The following POTEJ variants were observed in gnomAD, a reference collection of about 807,000 sequenced individuals.
The protein encoded by POTEJ is POTE ankyrin domain family, member J.
In POTEJ, 11 loss-of-function variants were observed where a neutral mutation model predicts 69.0. The observed-to-expected ratio is 0.16, with a 90% CI of 0.10 to 0.26. The LOEUF (loss-of-function observed/expected upper bound fraction) is 0.26. Ranked by LOEUF, POTEJ falls within the 10% of genes least tolerant of loss-of-function variation. The probability of loss-of-function intolerance (pLI) is 1.00; values close to 1 mark genes in which losing one functional copy is unlikely to be tolerated. For missense variants in POTEJ, 327 were observed against 1,045.5 expected (o/e 0.31, Z 9.48); for synonymous variants, 117 against 381.1 (o/e 0.31, Z 8.07).
intron 1 of POTEJ, among the ~76,000 whole-genome samples, chr2:130,613,289 CATATATATACATAT>C (rs1685291971): frequency 2.3e-5 from 2 of 87,662 alleles, no homozygotes; most frequent in East Asian, 2.6e-4. Context: ...TGTATATATA[CATATATATACATAT>C]GTATATATAC....
intron 9 of POTEJ, among the ~76,000 whole-genome samples, chr2:130,638,057 G>A (rs1330161752): frequency 6.1e-5 from 9 of 147,708 alleles, no homozygotes; most frequent in South Asian, 2.1e-4. Context: ...ACTTAATAAC[G>A]TTTCCTGAAA....
chr2:130,628,758 A>G (rs1396616045), intron 6 of POTEJ, among the ~76,000 whole-genome samples: 2 of 149,496 alleles, frequency 1.3e-5, no homozygotes, highest in Non-Finnish European at 3.0e-5. Context: ...GTGGTGGCTC[A>G]CACCTCTAAT....
At chr2:130,630,877 A>G (rs1377136615) in intron 7 of POTEJ, among the ~76,000 whole-genome samples, 5 of 143,646 alleles carry the variant, frequency 3.5e-5, no homozygotes, top group Non-Finnish European at 7.6e-5. Context: ...AAATTGGAGA[A>G]TTTGCATCTC....
At chr2:130,631,807 A>G (rs2105223558) in intron 8 of POTEJ, among the ~76,000 whole-genome samples, 1 of 142,872 alleles carries the variant, frequency 7.0e-6, no homozygotes, top group East Asian at 1.9e-4. Context: ...TCTTCCAGCT[A>G]GATAATTGTA....
chr2:130,625,254 A>G (rs1192388526), intron 6 of POTEJ, among the ~76,000 whole-genome samples: 32 of 152,228 alleles, frequency 2.1e-4, no homozygotes, highest in Admixed American at 3.9e-4. Context: ...GAATTTACAA[A>G]GAAAACATTG....
chr2:130,626,737 A>T (rs1401528348), intron 6 of POTEJ, among the ~76,000 whole-genome samples: 10 of 152,158 alleles, frequency 6.6e-5, no homozygotes, highest in African/African-American at 2.4e-4. Context: ...ACATCCTTGG[A>T]GTAGCATCAA....
At chr2:130,645,447 AAAGTT>A (rs1686543197) in intron 11 of POTEJ, among the ~76,000 whole-genome samples, 1 of 109,204 alleles carries the variant, frequency 9.2e-6, no homozygotes, top group Non-Finnish European at 2.0e-5. Context: ...AAATAGTGAG[AAAGTT>A]AAGTTTGCTG....
chr2:130,657,077 C>T lies in POTEJ; in HGVS notation c.2317C>T (p.Leu773=). ...EHPILLTEAP[L]NPKANREKMT... Reference sequence around the variant, plus strand: ...CCCCATCCTGCTGACCGAGGCCCCCCTGAACCCCAAGGCCAACCGCGAGAA... The same window carrying T: ...CCCCATCCTGCTGACCGAGGCCCCCTTGAACCCCAAGGCCAACCGCGAGAA... Residue 773 remains leucine (L), a synonymous_variant, in exon 15 of 15, where the codon CTG becomes TTG. Transcript: ENST00000409602. 1 of 1,580,836 alleles carries T rather than the reference C, an allele frequency of 6.3e-7. No homozygotes were observed. Among genetic ancestry groups the T allele is most frequent in the Non-Finnish European group, 8.6e-7 (1 of 1,156,850 alleles).
At chr2:130,655,468 C>A (rs1686952599) in intron 14 of POTEJ, among the ~76,000 whole-genome samples, 1 of 152,246 alleles carries the variant, frequency 6.6e-6, no homozygotes, top group African/African-American at 2.4e-5. Context: ...ATACCATTAT[C>A]CTTACTTTTG....
chr2:130,612,602 T>G (rs1464178012), intron 1 of POTEJ, among the ~76,000 whole-genome samples: 5 of 151,488 alleles, frequency 3.3e-5, no homozygotes, highest in African/African-American at 1.2e-4. Context: ...CTACTAAAAA[T>G]TATAAAAAAA....
intron 10 of POTEJ, among the ~76,000 whole-genome samples, chr2:130,639,121 A>G (rs866843700): frequency 0.046 from 6,284 of 137,732 alleles, no homozygotes; most frequent in Non-Finnish European, 0.074. Flanking sequence ...TATGAGCCAT[A>G]AGGAGTGGCT....
chr2:130,624,051 T>C lies in POTEJ; in HGVS notation c.945-13T>C, dbSNP rs1383891107. Reference sequence around the variant, plus strand: ...TAAAATAGTAATTTGGTTTATTACATTTTTATACATAGAATTTGCCAGTTA... The same window carrying C: ...TAAAATAGTAATTTGGTTTATTACACTTTTATACATAGAATTTGCCAGTTA... On this transcript the variant is annotated splice_polypyrimidine_tract_variant and intron_variant, in intron 5 of 14. Coordinates refer to ENST00000409602, the MANE Select transcript of POTEJ (RefSeq NM_001277083.2). The C allele has an allele frequency of 1.4e-6, 2 of 1,434,060 alleles. 1 individual carries two copies. Among genetic ancestry groups the C allele is most frequent in the Admixed American group, 4.2e-5 (2 of 47,084 alleles). The allele number at this position is 1,434,060 out of a possible 1,614,324, so 88.8% of individuals were successfully genotyped here.
At chr2:130,637,657 G>A (rs570358952) in intron 9 of POTEJ, among the ~76,000 whole-genome samples, 14 of 152,286 alleles carry the variant, frequency 9.2e-5, no homozygotes, top group South Asian at 2.1e-4. Context: ...AACGTGTGGG[G>A]TGTTGTGTAC....
chr2:130,629,531 A>G (rs145666364), intron 6 of POTEJ, among the ~76,000 whole-genome samples: 2,690 of 144,626 alleles, frequency 0.019, 50 homozygotes, highest in Non-Finnish European at 0.03. Flanking sequence ...CAGGGTCACC[A>G]TGACCTTTCC....
intron 10 of POTEJ, among the ~76,000 whole-genome samples, chr2:130,639,785 GT>G (rs1686273999): frequency 6.6e-6 from 1 of 151,128 alleles, no homozygotes; most frequent in African/African-American, 2.4e-5. Flanking sequence ...CATTTCTGTG[GT>G]TTTTCAACAG....
At chr2:130,644,344 C>A (rs1320132075) in intron 11 of POTEJ, among the ~76,000 whole-genome samples, 2 of 149,140 alleles carry the variant, frequency 1.3e-5, no homozygotes, top group East Asian at 1.9e-4. Flanking sequence ...GTGGCGGGTG[C>A]CTGTAGTCCC....
intron 13 of POTEJ, among the ~76,000 whole-genome samples, chr2:130,649,667 G>C (rs1339281347): frequency 2.0e-4 from 31 of 151,480 alleles, no homozygotes; most frequent in African/African-American, 6.8e-4. Context: ...ATAACTGAAA[G>C]GCAGTAAACC....
chr2:130,633,156 C>T (rs1471148163), intron 9 of POTEJ, among the ~76,000 whole-genome samples: 1 of 142,332 alleles, frequency 7.0e-6, no homozygotes, highest in East Asian at 1.9e-4. Context: ...ATTTTCTGTT[C>T]CTGCATTAGT....
chr2:130,639,064 A>G (rs1475995195), intron 10 of POTEJ, among the ~76,000 whole-genome samples: 1 of 152,302 alleles, frequency 6.6e-6, no homozygotes. Context: ...TCCTATGAGT[A>G]TCTAATGCTA....
Sources: allele counts gnomAD v4.1 joint callset (sites outside exome capture counted in the v4.1 genomes callset), GRCh38; gene constraint gnomAD v4.1.1; transcripts MANE v1.5; gene names NCBI Gene and HGNC (gene_info 2026-07-23, HGNC 2026-07-21).